Variants in SEMA5B observed in about 807,000 individuals in gnomAD.
SEMA5B encodes semaphorin-5B.
A neutral mutation model predicts 135.0 loss-of-function variants in SEMA5B; 66 were observed. That is an observed-to-expected ratio of 0.49 (90% CI 0.40 to 0.60). The LOEUF (loss-of-function observed/expected upper bound fraction) is 0.60, where lower values mean the gene tolerates loss of function less well. Among genes scored for constraint, SEMA5B ranks in the 20% least tolerant of loss-of-function variants. The pLI is 0.00. For missense variants in SEMA5B, 1,501 were observed against 1,566.3 expected, an observed-to-expected ratio of 0.96 and a Z score of 0.70; for synonymous variants, 690 against 639.5, an observed-to-expected ratio of 1.08 and a Z score of -1.19.
intron 9 of SEMA5B, among the ~76,000 whole-genome samples, chr3:122,925,324 T>C (rs1331346408): frequency 6.6e-6 from 1 of 151,868 alleles, no homozygotes; most frequent in African/African-American, 2.4e-5. Context: ...AGAGTAGTCT[T>C]GGGCCACACA....
Position 122,912,203 on chromosome 3 carries a change from C to T in SEMA5B, c.2865G>A (p.Glu955=), listed in dbSNP as rs1459962460. 1 of 1,601,466 alleles carries T rather than the reference C, an allele frequency of 6.2e-7. No individual in the cohort carries two copies. The highest frequency in any genetic ancestry group is 1.1e-5 in the South Asian group (1 of 89,394). The part of the protein sequence containing the change: ...GEDICLGLHT[E]EALCATQACP... Reference sequence around the variant, plus strand: ...AGGCCTGTGTGGCACATAGTGCCTCCTCCGTGTGCAGCCCGAGACAGATGT... The same window carrying T: ...AGGCCTGTGTGGCACATAGTGCCTCTTCCGTGTGCAGCCCGAGACAGATGT... The change falls in exon 19 of 23, where the codon GAG becomes GAA. Residue 955 remains glutamate (E), a synonymous_variant. Transcript: ENST00000357599.
intron 12 of SEMA5B, among the ~76,000 whole-genome samples, chr3:122,916,948 G>A (rs1031742024): frequency 4.6e-5 from 7 of 152,182 alleles, no homozygotes; most frequent in South Asian, 2.1e-4. Flanking sequence ...ACTTCTCATA[G>A]TCCAGAGCTT....
intron 1 of SEMA5B, among the ~76,000 whole-genome samples, chr3:123,010,914 A>G (rs556954191): frequency 1.1e-4 from 17 of 152,136 alleles, no homozygotes; most frequent in African/African-American, 9.7e-5. Flanking sequence ...CCTCTACAGC[A>G]AATAGCGGGT....
At chr3:122,985,705 G>T (rs1017732818) in intron 1 of SEMA5B, among the ~76,000 whole-genome samples, 4 of 152,114 alleles carry the variant, frequency 2.6e-5, no homozygotes. Flanking sequence ...GGAATCTTGC[G>T]GGAGGAGGTG....
At chr3:122,927,429 G>C (rs888166443) in intron 8 of SEMA5B, among the ~76,000 whole-genome samples, 3 of 152,198 alleles carry the variant, frequency 2.0e-5, no homozygotes, top group Non-Finnish European at 4.4e-5. Flanking sequence ...CTGGCCTCAA[G>C]AGATGTTCCT....
At chr3:122,997,157 T>A (rs943011580) in intron 1 of SEMA5B, among the ~76,000 whole-genome samples, 1 of 152,220 alleles carries the variant, frequency 6.6e-6, no homozygotes, top group Non-Finnish European at 1.5e-5. Flanking sequence ...AACAGTGCAG[T>A]GGGCACTGCC....
At position 122,915,909 on chromosome 3, in the gene SEMA5B, G is replaced by T. The variant is rs752816647; in HGVS notation, c.1689-19C>A. 1 of 1,604,904 alleles carries T rather than the reference G, an allele frequency of 6.2e-7. No individual in the cohort carries two copies. The highest frequency in any genetic ancestry group is 8.5e-7 in the Non-Finnish European group (1 of 1,171,912). On this transcript the variant is annotated intron_variant, in intron 12 of 22. Transcript: ENST00000357599. Reference sequence around the variant, plus strand: ...GCATGCCCTGCCAGACAGACGTCCTGAGATTCAAGCCCACTGGCTTCCCAG... The same window carrying T: ...GCATGCCCTGCCAGACAGACGTCCTTAGATTCAAGCCCACTGGCTTCCCAG...
At chr3:122,967,563 G>C (rs1292252800) in intron 1 of SEMA5B, among the ~76,000 whole-genome samples, 1 of 152,172 alleles carries the variant, frequency 6.6e-6, no homozygotes, top group Non-Finnish European at 1.5e-5. Context: ...AAAGCTCTTG[G>C]GTAATCACCA....
At chr3:122,928,677 C>T (rs563539098) in intron 6 of SEMA5B, 62 bp from the exon 7 acceptor site, 41 of 1,202,108 alleles carry the variant, frequency 3.4e-5, no homozygotes, top group East Asian at 5.1e-5. Context: ...GGATATCTCA[C>T]GCTCACACCA....
chr3:123,001,140 G>A (rs1203370044), intron 1 of SEMA5B, among the ~76,000 whole-genome samples: 1 of 152,152 alleles, frequency 6.6e-6, no homozygotes, highest in African/African-American at 2.4e-5. Context: ...AGATGGAAAG[G>A]CTGTGGGAAG....
chr3:122,940,301 G>A (rs976061145), intron 4 of SEMA5B, among the ~76,000 whole-genome samples: 1 of 152,338 alleles, frequency 6.6e-6, no homozygotes, highest in South Asian at 2.1e-4. Flanking sequence ...GCACAGACAG[G>A]GAGAATTCCA....
In SEMA5B at chr3:122,935,686, C is replaced by CTTTTTTTTTTTTTTTTTTT. The variant is rs147968317; in HGVS notation, c.474+3720_474+3738dup. Among the ~76,000 whole-genome samples, 136 of 70,244 alleles carry CTTTTTTTTTTTTTTTTTTT rather than the reference C, an allele frequency of 1.9e-3. 4 individuals carry two copies. Among genetic ancestry groups the CTTTTTTTTTTTTTTTTTTT allele is most frequent in the East Asian group, 4.0e-3 (10 of 2,512 alleles). 46.1% of individuals were successfully genotyped at this position (70,244 alleles called of 152,430 possible). On this transcript the variant is annotated intron_variant, in intron 5 of 22. Transcript: ENST00000357599. Reference sequence around the variant, plus strand: ...CACTTTTTTTTCTTTTTCTTTCTTTCTTTTTTTTTTTTTTTTTTTTTTTTG... The same window carrying CTTTTTTTTTTTTTTTTTTT: ...CACTTTTTTTTCTTTTTCTTTCTTTCTTTTTTTTTTTTTTTTTTTTTTTTTTTTTTTTTTTTTTTTTTTG...
At chr3:122,935,881 T>C (rs1418163901) in intron 5 of SEMA5B, among the ~76,000 whole-genome samples, 1 of 151,704 alleles carries the variant, frequency 6.6e-6, no homozygotes, top group Non-Finnish European at 1.5e-5. Context: ...TTTGTAGAGA[T>C]GGGGTTTCAC....
At chr3:122,970,089 C>G (rs538603848) in intron 1 of SEMA5B, among the ~76,000 whole-genome samples, 1 of 152,300 alleles carries the variant, frequency 6.6e-6, no homozygotes, top group South Asian at 2.1e-4. Context: ...ACACTTGCCC[C>G]TGACCTAGAG....
In SEMA5B at chr3:122,928,534, TG is replaced by T; in HGVS notation, c.618del (p.Met207CysfsTer134). The T allele has an allele frequency of 6.4e-7, 1 of 1,563,084 alleles. No individual in the cohort carries two copies. ...VFMCGTNAFSPMCTSRQVGNL... is the reference protein window; with the variant it reads ...VFMCGTNAFSXMCTSRQVGNL... Reference sequence around the variant, plus strand: ...GTGCCCACCTGTCTGCTGGTGCACATGGGGGAAAAGGCATTGGTTCCACACA... The same window carrying T: ...GTGCCCACCTGTCTGCTGGTGCACATGGGGAAAAGGCATTGGTTCCACACA... On this transcript the variant is annotated frameshift_variant, in exon 7 of 23. Coordinates refer to ENST00000357599, the MANE Select transcript of SEMA5B (RefSeq NM_001031702.4). LOFTEE classifies it high-confidence loss of function.
rs184541242 is a variant in SEMA5B at position 123,011,542 on chromosome 3, T to A, written c.-39+15922A>T. Among the ~76,000 whole-genome samples the A allele has an allele frequency of 1.8e-3, 280 of 152,168 alleles. 1 individual carries two copies. Among genetic ancestry groups the A allele is most frequent in the African/African-American group, 6.6e-3 (275 of 41,510 alleles). On this transcript the variant is annotated intron_variant, in intron 1 of 22. Transcript: ENST00000357599. The stretch of plus-strand genomic sequence containing the variant: ...ATTCAGGCCCAGCTGGAAGGTGGGG[T>A]TTCCCCAGGACAGCAGACTCTGCCC...
chr3:122,921,799 A>G, intron 12 of SEMA5B, 116 bp downstream of exon 12: 1 of 772,968 alleles, frequency 1.3e-6, no homozygotes, highest in Non-Finnish European at 2.0e-6. Context: ...GACTTGTCCT[A>G]AGGCACACTA....
intron 1 of SEMA5B, among the ~76,000 whole-genome samples, chr3:122,999,134 C>G (rs946872268): frequency 6.6e-6 from 1 of 152,206 alleles, no homozygotes; most frequent in Non-Finnish European, 1.5e-5. Context: ...AATGCCACCT[C>G]TCACCTTCTA....
intron 3 of SEMA5B, among the ~76,000 whole-genome samples, chr3:122,947,537 G>C (rs1477298449): frequency 3.9e-5 from 6 of 152,208 alleles, no homozygotes; most frequent in Non-Finnish European, 7.3e-5. Flanking sequence ...CCAGAGCATA[G>C]AGCAACGGAT....
Sources: gnomAD v4.1 joint callset for allele counts (sites outside exome capture counted in the v4.1 genomes callset) on GRCh38, gnomAD v4.1.1 for gene constraint, MANE v1.5 for transcripts, NCBI Gene and HGNC (gene_info 2026-07-23, HGNC 2026-07-21) for gene names.